The following OR10A2 variants were observed in gnomAD, a reference collection of about 807,000 sequenced individuals.
The protein encoded by OR10A2 is olfactory receptor family 10 subfamily A member 2, also known as olfactory receptor 10A2.
In OR10A2, 15 loss-of-function variants were observed where a neutral mutation model predicts 13.7. The ratio of observed to expected loss-of-function variants is 1.10; its 90% CI spans 0.73 to 1.69. OR10A2 has a LOEUF of 1.69. OR10A2 is among the 40% of genes most tolerant of loss of function. OR10A2 has a pLI of 0.00. For missense variants in OR10A2, 343 were observed against 361.1 expected, an observed-to-expected ratio of 0.95 and a Z score of 0.41; for synonymous variants, 145 against 144.7, an observed-to-expected ratio of 1.00 and a Z score of -0.02.
intron 1 of OR10A2, among the ~76,000 whole-genome samples, chr11:6,864,995 T>A (rs962396330): frequency 7.9e-6 from 1 of 126,830 alleles, no homozygotes; most frequent in Non-Finnish European, 1.8e-5. Flanking sequence ...TGAACATATA[T>A]GTATATATAA....
chr11:6,869,844 C>A lies in OR10A2; in HGVS notation c.90C>A (p.Cys30Ter). 1.2e-6 allele frequency: 2 copies of A among 1,614,128 alleles called. No homozygotes were observed. The highest frequency in any genetic ancestry group is 1.7e-6 in the Non-Finnish European group (2 of 1,179,990). The change falls in exon 2 of 2, where the codon TGC (cysteine) becomes TGA (stop). Residue 30 changes from cysteine (C) to a stop codon, truncating the protein, a stop_gained. Coordinates refer to ENST00000641461, the MANE Select transcript of OR10A2 (RefSeq NM_001004460.2). LOFTEE classifies it high-confidence loss of function. ...TIYLVTLMGN[C>*]LIILVTLADP... Reference sequence around the variant, plus strand: ...ACCTGGTCACCCTGATGGGAAACTGCCTCATCATTCTGGTTACCCTAGCTG... The same window carrying A: ...ACCTGGTCACCCTGATGGGAAACTGACTCATCATTCTGGTTACCCTAGCTG...
At position 6,872,692 on chromosome 11, in the gene OR10A2, T is replaced by C. The variant is rs1281454597; in HGVS notation, c.*2026T>C. On this transcript the variant is annotated 3_prime_UTR_variant, in exon 2 of 2. Coordinates refer to ENST00000641461, the MANE Select transcript of OR10A2 (RefSeq NM_001004460.2). The stretch of plus-strand genomic sequence containing the variant: ...TAGTAGAGACGAGGTCTTGCTATGC[T>C]ACCCAGTCTGGTATCGAACTTCTGA... 2 of 152,270 alleles carry C rather than the reference T, an allele frequency of 1.3e-5. No individual in the cohort carries two copies. The highest frequency in any genetic ancestry group is 2.9e-5 in the Non-Finnish European group (2 of 68,078). The allele number at this position is 152,270 out of a possible 1,614,324, so 9.4% of individuals were successfully genotyped here.
chr11:6,864,247 C>T (rs11041063), intron 1 of OR10A2, among the ~76,000 whole-genome samples: 2,307 of 151,938 alleles, frequency 0.015, 58 homozygotes, highest in African/African-American at 0.049. Context: ...CAGTCTTCTC[C>T]GCCAGCACCA....
intron 1 of OR10A2, among the ~76,000 whole-genome samples, chr11:6,866,586 C>T (rs903163679): frequency 2.0e-5 from 3 of 151,842 alleles, no homozygotes; most frequent in African/African-American, 4.8e-5. Flanking sequence ...TTTTTTTAAC[C>T]CATTCTTATA....
In OR10A2 at chr11:6,873,890, C is replaced by T. The variant is rs887688646; in HGVS notation, c.*3224C>T. The stretch of plus-strand genomic sequence containing the variant: ...TAGGCCAGAGAAAATAAATCCAGAA[C>T]CTAAAGGCAGTGGTGGTAGAGCTGG... On this transcript the variant is annotated 3_prime_UTR_variant, in exon 2 of 2. Coordinates refer to ENST00000641461, the MANE Select transcript of OR10A2 (RefSeq NM_001004460.2). The T allele has an allele frequency of 1.3e-5, 2 of 152,046 alleles. No individual in the cohort carries two copies. The highest frequency in any genetic ancestry group is 2.4e-5 in the African/African-American group (1 of 41,360). The allele number at this position is 152,046 out of a possible 1,614,324, so 9.4% of individuals were successfully genotyped here.
At chr11:6,867,095 T>G (rs1848384713) in intron 1 of OR10A2, among the ~76,000 whole-genome samples, 1 of 152,116 alleles carries the variant, frequency 6.6e-6, no homozygotes, top group African/African-American at 2.4e-5. Flanking sequence ...TTTCTTAAGT[T>G]TCTGGCATTT....
chr11:6,868,653 T>C (rs1052950360), intron 1 of OR10A2, among the ~76,000 whole-genome samples: 2 of 148,824 alleles, frequency 1.3e-5, no homozygotes, highest in South Asian at 2.2e-4. Flanking sequence ...CTGTTCCTAA[T>C]AAAGTTTTTA....
At chr11:6,864,852 T>A (rs541838060) in intron 1 of OR10A2, among the ~76,000 whole-genome samples, 1 of 150,750 alleles carries the variant, frequency 6.6e-6, no homozygotes, top group Admixed American at 6.6e-5. Flanking sequence ...AATTTTTTAA[T>A]TATAAATTTT....
chr11:6,868,415 A>G (rs1183773404), intron 1 of OR10A2, among the ~76,000 whole-genome samples: 1 of 152,116 alleles, frequency 6.6e-6, no homozygotes, highest in East Asian at 1.9e-4. Context: ...CGAGGCCTAC[A>G]GCTTTTGATC....
At chr11:6,864,276 T>C (rs1414320309) in intron 1 of OR10A2, among the ~76,000 whole-genome samples, 1 of 151,104 alleles carries the variant, frequency 6.6e-6, no homozygotes, top group Admixed American at 6.6e-5. Context: ...ACATCTGTCA[T>C]GAGGCTTCTA....
At chr11:6,867,533 G>A (rs1848389294) in intron 1 of OR10A2, among the ~76,000 whole-genome samples, 1 of 151,820 alleles carries the variant, frequency 6.6e-6, no homozygotes, top group South Asian at 2.1e-4. Context: ...TATTTTATAG[G>A]GCTTTGTTGA....
At chr11:6,866,193 C>T (rs1419070970) in intron 1 of OR10A2, among the ~76,000 whole-genome samples, 1 of 152,114 alleles carries the variant, frequency 6.6e-6, no homozygotes, top group African/African-American at 2.4e-5. Flanking sequence ...GAGGAATATT[C>T]ATGTTTTTAT....
intron 1 of OR10A2, among the ~76,000 whole-genome samples, chr11:6,866,339 TGC>T (rs572124733): frequency 1.3e-5 from 2 of 152,246 alleles, no homozygotes; most frequent in Non-Finnish European, 2.9e-5. Flanking sequence ...TGTCCAACCC[TGC>T]GGGCTGCATG....
chr11:6,869,276 T>C (rs1848404415), intron 1 of OR10A2, among the ~76,000 whole-genome samples: 2 of 152,242 alleles, frequency 1.3e-5, no homozygotes, highest in Non-Finnish European at 2.9e-5. Context: ...ATATGCATTC[T>C]TCATGATAGT....
At position 6,871,231 on chromosome 11, in the gene OR10A2, GC is replaced by G. The variant is rs1848432318; in HGVS notation, c.*567del. 6.5e-6 allele frequency: 1 copy of G among 152,830 alleles called. No individual in the cohort carries two copies. Among genetic ancestry groups the G allele is most frequent in the Non-Finnish European group, 1.5e-5 (1 of 68,538 alleles). 9.5% of individuals were successfully genotyped at this position (152,830 alleles called of 1,614,324 possible). On this transcript the variant is annotated 3_prime_UTR_variant, in exon 2 of 2. Transcript: ENST00000641461. Reference sequence around the variant, plus strand: ...CAAAGTGCTGGGATTACAGGCGTGAGCCACCGCGCCTGGCCGGTGTTTATAT... The same window carrying G: ...CAAAGTGCTGGGATTACAGGCGTGAGCACCGCGCCTGGCCGGTGTTTATAT...
Position 6,870,423 on chromosome 11 carries a change from A to C in OR10A2, c.669A>C (p.Lys223Asn). The C allele has an allele frequency of 6.2e-7, 1 of 1,614,198 alleles. No homozygotes were observed. The highest frequency in any genetic ancestry group is 8.5e-7 in the Non-Finnish European group (1 of 1,180,042). The change falls in exon 2 of 2, where the codon AAA becomes AAC. Residue 223 changes from lysine (K) to asparagine (N), a missense_variant. Lys to Asn is a moderately conservative substitution (Grantham distance 94). Coordinates refer to ENST00000641461, the MANE Select transcript of OR10A2 (RefSeq NM_001004460.2). ...TCCCATCAGCTAAAGGGAAGAATAA[A>C]GCCTTTTCTACATGTTCCTCACACC... is the stretch of plus-strand genomic sequence containing the variant. ...LKIPSAKGKNKAFSTCSSHLL... is the reference protein window; with the variant it reads ...LKIPSAKGKNNAFSTCSSHLL...
rs568549558 is a variant in OR10A2, at chr11:6,863,886, G to A, written c.-133+535G>A. Among the ~76,000 whole-genome samples, 11 of 152,310 alleles carry A rather than the reference G, an allele frequency of 7.2e-5. No individual in the cohort carries two copies. In the South Asian group the frequency reaches 1.7e-3, roughly 23 times the overall value. ...CAAGTTTGTCCAACCTGTGGCCCAT[G>A]GGCCACATGCGGCCCAAGATGGCTT... On this transcript the variant is annotated intron_variant, in intron 1 of 1. Transcript: ENST00000641461.
At position 6,872,920 on chromosome 11, in the gene OR10A2, A is replaced by G. The variant is rs1434503151; in HGVS notation, c.*2254A>G. 1 of 151,502 alleles carries G rather than the reference A, an allele frequency of 6.6e-6. No homozygotes were observed. Among genetic ancestry groups the G allele is most frequent in the Non-Finnish European group, 1.5e-5 (1 of 68,022 alleles). The allele number at this position is 151,502 out of a possible 1,614,324, so 9.4% of individuals were successfully genotyped here. On this transcript the variant is annotated 3_prime_UTR_variant, in exon 2 of 2. Coordinates refer to ENST00000641461, the MANE Select transcript of OR10A2 (RefSeq NM_001004460.2). ...CTGCAACTTCTGCCTTCTGGGTTCA[A>G]TCAATTCTCATGCCTCAGCCTCTTG...
rs145169410 is a variant in OR10A2, at chr11:6,872,418, A to C, written c.*1752A>C. 3 of 152,314 alleles carry C rather than the reference A, an allele frequency of 2.0e-5. No homozygotes were observed. The highest frequency in any genetic ancestry group is 7.2e-5 in the African/African-American group (3 of 41,564). 9.4% of individuals were successfully genotyped at this position (152,314 alleles called of 1,614,324 possible). A position where few individuals can be genotyped will look rare whatever the true frequency, so the allele number is the denominator to read the frequency against. Reference sequence around the variant, plus strand: ...AGAAACTGTACATGTACTTATTTTTACATGTTTGTCTTCCTCCAACTTTTC... The same window carrying C: ...AGAAACTGTACATGTACTTATTTTTCCATGTTTGTCTTCCTCCAACTTTTC... On this transcript the variant is annotated 3_prime_UTR_variant, in exon 2 of 2. Coordinates refer to ENST00000641461, the MANE Select transcript of OR10A2 (RefSeq NM_001004460.2).
Sources: allele counts gnomAD v4.1 joint callset (sites outside exome capture counted in the v4.1 genomes callset), GRCh38; gene constraint gnomAD v4.1.1; transcripts MANE v1.5; gene names NCBI Gene and HGNC (gene_info 2026-07-23, HGNC 2026-07-21).